MINDY3: variants seen among roughly 807,000 people sequenced by gnomAD.
MINDY3 encodes the protein MINDY lysine 48 deubiquitinase 3.
A neutral mutation model predicts 69.2 loss-of-function variants in MINDY3; 38 were observed. The ratio of observed to expected loss-of-function variants is 0.55; its 90% CI spans 0.42 to 0.72. MINDY3 has a LOEUF of 0.72. MINDY3 is among the 30% of genes least tolerant of loss of function. The pLI, the probability that MINDY3 is intolerant of heterozygous loss-of-function variation, is 0.00. For synonymous variants in MINDY3, 192 were observed against 180.1 expected, an observed-to-expected ratio of 1.07 and a Z score of -0.53; for missense variants, 522 against 519.0, an observed-to-expected ratio of 1.01 and a Z score of -0.06.
chr10:15,806,219 A>G (rs920589563), intron 10 of MINDY3, among the ~76,000 whole-genome samples: 7 of 152,080 alleles, frequency 4.6e-5, no homozygotes, highest in African/African-American at 1.7e-4. Flanking sequence ...TGATCTTCCT[A>G]TTGAGAGCAG....
At position 15,796,111 on chromosome 10, in the gene MINDY3, T is replaced by C; in HGVS notation, c.944A>G (p.Tyr315Cys). ...TTAAAATCTTTTACCTTCTGGGTCG[T>C]AGGTTTGAAAAACTCTTCTGGCTTG... ...SEQARRVFQT[Y>C]DPEDNGFIPD... Residue 315 changes from tyrosine to cysteine, a missense_variant, in exon 11 of 15, where the codon TAC (tyrosine) becomes TGC (cysteine). Coordinates refer to ENST00000277632, the MANE Select transcript of MINDY3 (RefSeq NM_024948.4). 5 of 1,612,460 alleles carry C rather than the reference T, an allele frequency of 3.1e-6. No individual in the cohort carries two copies. The highest frequency in any genetic ancestry group is 4.2e-6 in the Non-Finnish European group (5 of 1,178,802).
At chr10:15,857,621 C>A (rs1443646229) in intron 1 of MINDY3, among the ~76,000 whole-genome samples, 1 of 152,016 alleles carries the variant, frequency 6.6e-6, no homozygotes, top group Non-Finnish European at 1.5e-5. Flanking sequence ...TAAAACCCTG[C>A]CAACTTTAAG....
Position 15,782,204 on chromosome 10 carries a change from A to C in MINDY3, c.1139T>G (p.Phe380Cys), listed in dbSNP as rs1158481465. 1.9e-6 allele frequency: 3 copies of C among 1,609,488 alleles called. No individual in the cohort carries two copies. The highest frequency in any genetic ancestry group is 2.7e-5 in the African/African-American group (2 of 74,756). Reference protein sequence around the residue: ...PDQGSSGPESFTVYHYNGLKQ... With the variant: ...PDQGSSGPESCTVYHYNGLKQ... Reference sequence around the variant, plus strand: ...CAATCCATTGTAGTGGTAGACAGTAAAAGATTCTGGACCACTGGAGCCCTA... The same window carrying C: ...CAATCCATTGTAGTGGTAGACAGTACAAGATTCTGGACCACTGGAGCCCTA... The change falls in exon 14 of 15, where the codon TTT becomes TGT. Residue 380 changes from phenylalanine (F) to cysteine (C), a missense_variant. Physicochemically the swap from Phe to Cys is radical, Grantham distance 205 (BLOSUM62 -2). Transcript: ENST00000277632.
intron 8 of MINDY3, among the ~76,000 whole-genome samples, chr10:15,830,861 A>G (rs1369823137): frequency 6.6e-6 from 1 of 152,176 alleles, no homozygotes; most frequent in Non-Finnish European, 1.5e-5. Context: ...AAGGATGGAG[A>G]GAAAGAGGTT....
intron 8 of MINDY3, among the ~76,000 whole-genome samples, chr10:15,829,111 C>T (rs1026686239): frequency 2.0e-5 from 3 of 152,086 alleles, no homozygotes; most frequent in East Asian, 1.9e-4. Context: ...AACTATGATG[C>T]GAGGTGTAAT....
intron 10 of MINDY3, among the ~76,000 whole-genome samples, chr10:15,815,538 C>G (rs1057324258): frequency 6.6e-6 from 1 of 152,110 alleles, no homozygotes; most frequent in African/African-American, 2.4e-5. Context: ...AAGGAGTAAT[C>G]AGGAAAGCAC....
At chr10:15,799,607 A>T (rs2131898162) in intron 10 of MINDY3, among the ~76,000 whole-genome samples, 1 of 152,296 alleles carries the variant, frequency 6.6e-6, no homozygotes, top group South Asian at 2.1e-4. Context: ...GCAGAAATAG[A>T]AAAGAGGGCA....
At chr10:15,804,928 C>A (rs1838526167) in intron 10 of MINDY3, among the ~76,000 whole-genome samples, 1 of 152,108 alleles carries the variant, frequency 6.6e-6, no homozygotes, top group Admixed American at 6.6e-5. Context: ...CAGTAGCCCA[C>A]TGCTGTGAGG....
chr10:15,827,490 C>G (rs561468170), intron 8 of MINDY3, among the ~76,000 whole-genome samples: 1 of 152,002 alleles, frequency 6.6e-6, no homozygotes, highest in South Asian at 2.1e-4. Flanking sequence ...TTGCAGTGAG[C>G]CAGGATCGTG....
chr10:15,792,853 T>C (rs890921566), intron 11 of MINDY3, among the ~76,000 whole-genome samples: 1 of 152,116 alleles, frequency 6.6e-6, no homozygotes, highest in Non-Finnish European at 1.5e-5. Context: ...TATGTAGACC[T>C]TGATGTCTTT....
At chr10:15,806,005 G>A (rs966840662) in intron 10 of MINDY3, among the ~76,000 whole-genome samples, 2 of 152,062 alleles carry the variant, frequency 1.3e-5, no homozygotes, top group Admixed American at 1.3e-4. Context: ...CCATCACCAC[G>A]TGCAGACAAA....
intron 1 of MINDY3, 142 bp from the exon 2 acceptor site, chr10:15,848,085 C>T (rs1223258756): frequency 1.5e-6 from 1 of 666,756 alleles, no homozygotes; most frequent in Admixed American, 2.8e-5. Context: ...ATCAAGGAAC[C>T]TTTTGAAAAA....
At chr10:15,852,276 T>C (rs1238694503) in intron 1 of MINDY3, among the ~76,000 whole-genome samples, 1 of 152,192 alleles carries the variant, frequency 6.6e-6, no homozygotes, top group African/African-American at 2.4e-5. Flanking sequence ...CTTGTTGATG[T>C]TTTGGCATGG....
chr10:15,845,290 T>C (rs1833751212), intron 2 of MINDY3, among the ~76,000 whole-genome samples: 2 of 152,048 alleles, frequency 1.3e-5, no homozygotes, highest in South Asian at 2.1e-4. Flanking sequence ...TCCTGGTAAA[T>C]TGTGACAGGT....
chr10:15,800,868 A>AG (rs1838209455), intron 10 of MINDY3, among the ~76,000 whole-genome samples: 1 of 152,176 alleles, frequency 6.6e-6, no homozygotes. Context: ...CTTGTATGTA[A>AG]GTGCAGGGTT....
chr10:15,841,442 G>A lies in MINDY3; in HGVS notation c.393C>T (p.Cys131=), dbSNP rs774134190. Residue 131 remains cysteine (C), a synonymous_variant, in exon 4 of 15, where the codon TGC becomes TGT. Coordinates refer to ENST00000277632, the MANE Select transcript of MINDY3 (RefSeq NM_024948.4). ...SISGSPAESS[C]QVEHSSALAV... is the part of the protein sequence containing the mutation. ...ATATCTTACAAGAATGTTCCACTTGGCAACTAGACTCTGCAGGACTCCCAG... is the reference window on the plus strand; with the variant it reads ...ATATCTTACAAGAATGTTCCACTTGACAACTAGACTCTGCAGGACTCCCAG... The A allele has an allele frequency of 6.2e-7, 1 of 1,607,656 alleles. No homozygotes were observed. Among genetic ancestry groups the A allele is most frequent in the Non-Finnish European group, 8.5e-7 (1 of 1,177,260 alleles).
chr10:15,825,293 G>A (rs1840015821), intron 8 of MINDY3, among the ~76,000 whole-genome samples: 1 of 152,150 alleles, frequency 6.6e-6, no homozygotes, highest in South Asian at 2.1e-4. Flanking sequence ...AAATGCTTCT[G>A]GTCCCAAGCA....
At chr10:15,806,793 A>G (rs375286627) in intron 10 of MINDY3, among the ~76,000 whole-genome samples, 2 of 152,178 alleles carry the variant, frequency 1.3e-5, no homozygotes, top group East Asian at 3.9e-4. Flanking sequence ...CCCCAAACAC[A>G]GTATTAACTT....
At chr10:15,847,430 T>G (rs1833930404) in intron 2 of MINDY3, among the ~76,000 whole-genome samples, 1 of 152,250 alleles carries the variant, frequency 6.6e-6, no homozygotes, top group Non-Finnish European at 1.5e-5. Flanking sequence ...CTGCCAACTT[T>G]TTTCAAATTT....
Sources: allele counts gnomAD v4.1 joint callset (sites outside exome capture counted in the v4.1 genomes callset), GRCh38; gene constraint gnomAD v4.1.1; transcripts MANE v1.5; gene names NCBI Gene and HGNC (gene_info 2026-07-23, HGNC 2026-07-21).